Variants in SUSD4 observed in about 807,000 individuals in gnomAD.
SUSD4 encodes the protein sushi domain-containing protein 4.
A neutral mutation model predicts 50.5 loss-of-function variants in SUSD4; 41 were observed. That is an observed-to-expected ratio of 0.81 (90% confidence interval 0.63 to 1.05). SUSD4 has a LOEUF of 1.05. SUSD4 is among the 50% of genes least tolerant of loss of function. The probability of loss-of-function intolerance (pLI) is 0.00; values close to 1 mark genes in which losing one functional copy is unlikely to be tolerated. For missense variants in SUSD4, 580 were observed against 634.7 expected (o/e 0.91, Z 0.93); for synonymous variants, 257 against 257.3 (o/e 1.00, Z 0.01).
intron 4 of SUSD4, among the ~76,000 whole-genome samples, chr1:223,267,389 C>T (rs1160230510): frequency 6.6e-6 from 1 of 152,140 alleles, no homozygotes; most frequent in Non-Finnish European, 1.5e-5. Flanking sequence ...TCACTCTGAT[C>T]GTGTCGGAGG....
In SUSD4 at chr1:223,354,461, T is replaced by C. The variant is rs182444189; in HGVS notation, c.148+8817A>G. On this transcript the variant is annotated intron_variant, in intron 2 of 8. Transcript: ENST00000366878. ...GAAAAATCTGGGCAAGCCTTTTAAA[T>C]GTCACAGAGCAATTCAGACCATATC... Among the ~76,000 whole-genome samples the C allele has an allele frequency of 4.7e-4, 71 of 152,288 alleles. No homozygotes were observed. In the East Asian group the frequency reaches 0.011, roughly 23 times the overall value.
intron 3 of SUSD4, among the ~76,000 whole-genome samples, chr1:223,276,204 G>A (rs1356525313): frequency 6.6e-6 from 1 of 152,252 alleles, no homozygotes; most frequent in Non-Finnish European, 1.5e-5. Context: ...CCCCAAGTCA[G>A]TTTGGTGTTC....
intron 2 of SUSD4, among the ~76,000 whole-genome samples, chr1:223,335,700 T>C (rs2103284116): frequency 6.6e-6 from 1 of 152,094 alleles, no homozygotes; most frequent in South Asian, 2.1e-4. Context: ...ATCTAAGAAA[T>C]GAGAAAACAC....
intron 5 of SUSD4, among the ~76,000 whole-genome samples, chr1:223,248,192 G>T: frequency 6.6e-6 from 1 of 152,248 alleles, no homozygotes; most frequent in Middle Eastern, 3.4e-3. Context: ...TTAATGCTAC[G>T]GTCTCAAGTC....
intron 2 of SUSD4, among the ~76,000 whole-genome samples, chr1:223,316,131 G>A (rs147438698): frequency 6.6e-6 from 1 of 152,238 alleles, no homozygotes; most frequent in African/African-American, 2.4e-5. Context: ...TGCAGCGGGG[G>A]CTGGCAAGGA....
chr1:223,257,307 C>T (rs575347633), intron 5 of SUSD4, among the ~76,000 whole-genome samples: 1 of 152,042 alleles, frequency 6.6e-6, no homozygotes, highest in Non-Finnish European at 1.5e-5. Context: ...AGTTTGAGAC[C>T]AGCCTGGGCA....
intron 3 of SUSD4, among the ~76,000 whole-genome samples, chr1:223,285,381 C>A (rs1664070916): frequency 6.6e-6 from 1 of 152,136 alleles, no homozygotes; most frequent in Non-Finnish European, 1.5e-5. Flanking sequence ...CTCTCTGAAT[C>A]CCTGTCCATC....
At chr1:223,292,775 C>A in intron 2 of SUSD4, 124 bp from the exon 3 acceptor site, 1 of 983,096 alleles carries the variant, frequency 1.0e-6, no homozygotes, top group Non-Finnish European at 1.5e-6. Context: ...TACCCCACCA[C>A]CAAAGCCAAG....
At chr1:223,243,135 C>T (rs1660697932) in intron 5 of SUSD4, among the ~76,000 whole-genome samples, 1 of 152,106 alleles carries the variant, frequency 6.6e-6, no homozygotes, top group African/African-American at 2.4e-5. Context: ...CTCCAGGCTC[C>T]TCCCTGGAGC....
At chr1:223,230,442 G>C (rs1431287186) in intron 5 of SUSD4, 1 of 151,872 alleles carries the variant, frequency 6.6e-6, no homozygotes, top group Non-Finnish European at 1.5e-5. Context: ...CCCTCCCTTG[G>C]GGTAACCAAA....
At position 223,292,587 on chromosome 1, in the gene SUSD4, G is replaced by C. The variant is rs148470082; in HGVS notation, c.213C>G (p.Ser71Arg). 9 of 1,614,026 alleles carry C rather than the reference G, an allele frequency of 5.6e-6. No homozygotes were observed. The highest frequency in any genetic ancestry group is 7.6e-6 in the Non-Finnish European group (9 of 1,179,988). ...GIPENGFRTP[S>R]GGVFFEGSVA... is the part of the protein sequence containing the mutation. ...CAGAGCCTTCAAAGAAAACCCCTCC[G>C]CTGGGGGTCCTGAAGCCATTCTCGG... The change falls in exon 3 of 9, where the codon AGC (serine) becomes AGG (arginine). Residue 71 changes from serine (S) to arginine (R), a missense_variant. Transcript: ENST00000366878.
At position 223,229,237 on chromosome 1, in the gene SUSD4, T is replaced by C; in HGVS notation, c.876A>G (p.Gly292=). 6.2e-7 allele frequency: 1 copy of C among 1,611,528 alleles called. No homozygotes were observed. Among genetic ancestry groups the C allele is most frequent in the Non-Finnish European group, 8.5e-7 (1 of 1,177,852 alleles). Residue 292 remains glycine, a synonymous_variant, in exon 6 of 9, where the codon GGA becomes GGG. Coordinates refer to ENST00000366878, the MANE Select transcript of SUSD4 (RefSeq NM_017982.4). The surrounding 1 kb of genome is among the most constrained non-coding windows in gnomAD (Gnocchi z 4.7). ...AGACTTGATAAGAAGGAAACCACTCTCCATACTGGCAGGTGATGTACTTGT... is the reference window on the plus strand; with the variant it reads ...AGACTTGATAAGAAGGAAACCACTCCCCATACTGGCAGGTGATGTACTTGT... The part of the protein sequence containing the change: ...SDYKYITCQY[G]EWFPSYQVYC...
chr1:223,268,532 C>A lies in SUSD4; in HGVS notation c.505G>T (p.Gly169Ter). The change falls in exon 4 of 9, where the codon GGA becomes TGA. Residue 169 changes from glycine to a stop codon, truncating the protein, a stop_gained. Coordinates refer to ENST00000366878, the MANE Select transcript of SUSD4 (RefSeq NM_017982.4). LOFTEE classifies it high-confidence loss of function. ...HNMVSLCRDD[G>*]TWNNLPICQG... is the part of the protein sequence containing the mutation. ...CAGATGGGCAGATTATTCCACGTTC[C>A]ATCATCGCGACATAATGAAACCATA... 1 of 1,613,904 alleles carries A rather than the reference C, an allele frequency of 6.2e-7. No individual in the cohort carries two copies. Among genetic ancestry groups the A allele is most frequent in the Non-Finnish European group, 8.5e-7 (1 of 1,179,918 alleles).
intron 3 of SUSD4, chr1:223,288,977 C>T (rs1664314742): frequency 1.9e-6 from 1 of 527,406 alleles, no homozygotes; most frequent in African/African-American, 2.1e-5. Context: ...GTCAATCTTG[C>T]TTCACCTCTG....
At chr1:223,249,759 T>C (rs931688383) in intron 5 of SUSD4, among the ~76,000 whole-genome samples, 1 of 152,206 alleles carries the variant, frequency 6.6e-6, no homozygotes, top group Admixed American at 6.5e-5. Flanking sequence ...TATTTCTTAG[T>C]GTTCTGCAAA....
At chr1:223,300,701 G>A (rs1038367885) in intron 2 of SUSD4, among the ~76,000 whole-genome samples, 1 of 152,138 alleles carries the variant, frequency 6.6e-6, no homozygotes, top group African/African-American at 2.4e-5. Context: ...TTAGTGAGAG[G>A]GTCCTGGGGC....
At chr1:223,225,812 C>T (rs960001042) in intron 7 of SUSD4, among the ~76,000 whole-genome samples, 4 of 152,138 alleles carry the variant, frequency 2.6e-5, no homozygotes, top group Non-Finnish European at 4.4e-5. Flanking sequence ...GTGTCCCCGC[C>T]ATGCCACTCA....
chr1:223,290,189 C>A (rs1664397714), intron 3 of SUSD4, among the ~76,000 whole-genome samples: 1 of 152,252 alleles, frequency 6.6e-6, no homozygotes, highest in Non-Finnish European at 1.5e-5. Flanking sequence ...GCAGCCCTTA[C>A]TACTTGCCCA....
intron 3 of SUSD4, among the ~76,000 whole-genome samples, chr1:223,290,265 C>T (rs2103141937): frequency 6.6e-6 from 1 of 152,276 alleles, no homozygotes; most frequent in Non-Finnish European, 1.5e-5. Context: ...GAAAGTTTAG[C>T]TTTTTCACTG....
Sources: gnomAD v4.1 joint callset for allele counts (sites outside exome capture counted in the v4.1 genomes callset) on GRCh38, gnomAD v4.1.1 for gene constraint, Gnocchi (gnomAD v3.1) non-coding constraint, MANE v1.5 for transcripts, NCBI Gene and HGNC (gene_info 2026-07-23, HGNC 2026-07-21) for gene names.